The following SDCBP2 variants were observed in gnomAD, a reference collection of about 807,000 sequenced individuals.
SDCBP2 encodes the protein syndecan binding protein 2.
Under a neutral mutation model 30.7 loss-of-function variants are expected in SDCBP2, and 28 were observed. The observed-to-expected ratio is 0.91, with a 90% CI of 0.68 to 1.25. The LOEUF (loss-of-function observed/expected upper bound fraction) is 1.25. Ranked by LOEUF, SDCBP2 falls within the 50% of genes most tolerant of loss-of-function variation. SDCBP2 has a pLI of 0.00. For synonymous variants in SDCBP2, 166 were observed against 157.3 expected (o/e 1.06, Z -0.41); for missense variants, 399 against 379.0 (o/e 1.05, Z -0.44).
chr20:1,312,470 A>T lies in SDCBP2; in HGVS notation c.599T>A (p.Met200Lys). Residue 200 changes from methionine to lysine, a missense_variant, in exon 7 of 9, where the codon ATG becomes AAG. Transcript: ENST00000360779. ...QRTVTMHKDS[M>K]GHVGFVIKKG... is the part of the protein sequence containing the mutation. The stretch of plus-strand genomic sequence containing the variant: ...CTTGATCACGAAGCCGACGTGGCCC[A>T]TGCTGTCCTTGTGCATGGTGACAGT... The T allele has an allele frequency of 6.2e-7, 1 of 1,614,162 alleles. No homozygotes were observed. Among genetic ancestry groups the T allele is most frequent in the East Asian group, 2.2e-5 (1 of 44,874 alleles).
Position 1,313,480 on chromosome 20 carries a change from C to T in SDCBP2, c.244G>A (p.Gly82Arg). Residue 82 changes from glycine (G) to arginine (R), a missense_variant, in exon 5 of 9, where the codon GGG becomes AGG. Physicochemically the swap from Gly to Arg is moderately radical, Grantham distance 125. Coordinates refer to ENST00000360779, the MANE Select transcript of SDCBP2 (RefSeq NM_080489.5). The surrounding 1 kb of genome is among the most constrained non-coding windows in gnomAD (Gnocchi z 5.2). ...ACCGGTGCCACCATCTGGCCGGGCCCGGGGCCCGAGACCGCTGTCTGCAGA... is the reference window on the plus strand; with the variant it reads ...ACCGGTGCCACCATCTGGCCGGGCCTGGGGCCCGAGACCGCTGTCTGCAGA... ...EGDSTAVSGP[G>R]PGQMVAPVTG... is the part of the protein sequence containing the mutation. 1.3e-6 allele frequency: 2 copies of T among 1,593,070 alleles called. No individual in the cohort carries two copies. Among genetic ancestry groups the T allele is most frequent in the Non-Finnish European group, 1.7e-6 (2 of 1,173,314 alleles).
chr20:1,311,396 G>A (rs2088666798), intron 7 of SDCBP2, among the ~76,000 whole-genome samples: 1 of 152,078 alleles, frequency 6.6e-6, no homozygotes, highest in Non-Finnish European at 1.5e-5. Context: ...TTGCTTGTTT[G>A]ATAAAAAGAG....
chr20:1,323,827 T>C, intron 1 of SDCBP2: 1 of 145,610 alleles, frequency 6.9e-6, no homozygotes, highest in African/African-American at 2.8e-5. Context: ...TTTTTGTTGT[T>C]TTTTTTAATT....
rs79812877 is a variant in SDCBP2 at position 1,313,705 on chromosome 20, A to G, written c.226-207T>C. On this transcript the variant is annotated intron_variant, in intron 4 of 8. Coordinates refer to ENST00000360779, the MANE Select transcript of SDCBP2 (RefSeq NM_080489.5). This position sits in a 1 kb window ranked among gnomAD's most constrained non-coding sequence, Gnocchi z 5.2. ...GGGCGTCAAAGTCCATGCCCTTAAA[A>G]AGCCAGGAAAACGGGGAGGGAAGGG... The G allele has an allele frequency of 7.5e-4, 989 of 1,317,212 alleles. 7 individuals carry two copies. The African/African-American group carries it at 0.014, about 18-fold the overall frequency. 81.6% of individuals were successfully genotyped at this position (1,317,212 alleles called of 1,614,324 possible). A position where few individuals can be genotyped will look rare whatever the true frequency, so the allele number is the denominator to read the frequency against.
chr20:1,320,251 C>A lies in SDCBP2; in HGVS notation c.54+112G>T. On this transcript the variant is annotated intron_variant, in intron 2 of 8. Coordinates refer to ENST00000360779, the MANE Select transcript of SDCBP2 (RefSeq NM_080489.5). This position sits in a 1 kb window ranked among gnomAD's most constrained non-coding sequence, Gnocchi z 4.7. ...CAGCAGGCCCTGCAGTGGACACCTACATGCCCTGAGGCCTACGGGAATCTC... is the reference window on the plus strand; with the variant it reads ...CAGCAGGCCCTGCAGTGGACACCTAAATGCCCTGAGGCCTACGGGAATCTC... 1.2e-5 allele frequency: 11 copies of A among 923,598 alleles called. No homozygotes were observed. The highest frequency in any genetic ancestry group is 1.9e-5 in the Non-Finnish European group (11 of 592,072). The allele number at this position is 923,598 out of a possible 1,614,324, so 57.2% of individuals were successfully genotyped here.
Position 1,321,298 on chromosome 20 carries a change from G to A in SDCBP2, c.-19-863C>T, listed in dbSNP as rs1203049663. On this transcript the variant is annotated intron_variant, in intron 1 of 8. Coordinates refer to ENST00000360779, the MANE Select transcript of SDCBP2 (RefSeq NM_080489.5). This position sits in a 1 kb window ranked among gnomAD's most constrained non-coding sequence, Gnocchi z 5.2. ...AGGAAACTGAGGGTCCTGTGCCTGA[G>A]CGATGTGACTCCAGGCTTCCCAGGA... The A allele has an allele frequency of 2.6e-5, 4 of 152,218 alleles. No individual in the cohort carries two copies. Among genetic ancestry groups the A allele is most frequent in the African/African-American group, 7.2e-5 (3 of 41,396 alleles). The allele number at this position is 152,218 out of a possible 1,614,324, so 9.4% of individuals were successfully genotyped here. A position where few individuals can be genotyped will look rare whatever the true frequency, so the allele number is the denominator to read the frequency against.
At chr20:1,314,277 C>T (rs1366832774) in intron 4 of SDCBP2, among the ~76,000 whole-genome samples, 1 of 151,840 alleles carries the variant, frequency 6.6e-6, no homozygotes, top group Non-Finnish European at 1.5e-5. Flanking sequence ...TCACTTGAGC[C>T]CAGGAGTTCA....
At chr20:1,327,655 C>T (rs2088949387) in intron 1 of SDCBP2, among the ~76,000 whole-genome samples, 1 of 152,224 alleles carries the variant, frequency 6.6e-6, no homozygotes, top group African/African-American at 2.4e-5. Flanking sequence ...ACAGCATAGG[C>T]AAATCCCCTT....
Position 1,319,648 on chromosome 20 carries a change from T to C in SDCBP2, c.66A>G (p.Arg22=). 2 of 1,566,652 alleles carry C rather than the reference T, an allele frequency of 1.3e-6. No individual in the cohort carries two copies. The highest frequency in any genetic ancestry group is 1.2e-5 in the South Asian group (1 of 84,942). The change falls in exon 3 of 9, where the codon AGA becomes AGG. Residue 22 remains arginine, a synonymous_variant. Transcript: ENST00000360779. ...GCAGGGCTGGCATCTTGGGTGAGGC[T>C]CTGACCTGGGCCTGGGGAGGAGCAG... ...KVDQAIQAQV[R]ASPKMPALPV...
Position 1,324,677 on chromosome 20 carries a change from T to C in SDCBP2, c.-19-4242A>G, listed in dbSNP as rs1248287945. Reference sequence around the variant, plus strand: ...TTGGTTGTGGGGAGTTACACTTTGCTCACCATTCTGGAAAATCGCTGCCCA... The same window carrying C: ...TTGGTTGTGGGGAGTTACACTTTGCCCACCATTCTGGAAAATCGCTGCCCA... On this transcript the variant is annotated intron_variant, in intron 1 of 8. Coordinates refer to ENST00000360779, the MANE Select transcript of SDCBP2 (RefSeq NM_080489.5). The surrounding 1 kb of genome is among the most constrained non-coding windows in gnomAD (Gnocchi z 4.7). 6.6e-6 allele frequency among the ~76,000 whole-genome samples: 1 copy of C among 152,206 alleles called. No individual in the cohort carries two copies. Among genetic ancestry groups the C allele is most frequent in the Non-Finnish European group, 1.5e-5 (1 of 68,038 alleles).
Position 1,320,497 on chromosome 20 carries a change from A to AT in SDCBP2, c.-19-63_-19-62insA. 2 of 1,328,502 alleles carry AT rather than the reference A, an allele frequency of 1.5e-6. No individual in the cohort carries two copies. The highest frequency in any genetic ancestry group is 2.1e-6 in the Non-Finnish European group (2 of 942,538). The allele number at this position is 1,328,502 out of a possible 1,614,324, so 82.3% of individuals were successfully genotyped here. On this transcript the variant is annotated intron_variant, in intron 1 of 8. Coordinates refer to ENST00000360779, the MANE Select transcript of SDCBP2 (RefSeq NM_080489.5). The surrounding 1 kb of genome is among the most constrained non-coding windows in gnomAD (Gnocchi z 4.7). Reference sequence around the variant, plus strand: ...AGCTGATGCCCCCTTGAAAGGAGGCACAGACATCCGCAACAGCAAGCGGGT... The same window carrying AT: ...AGCTGATGCCCCCTTGAAAGGAGGCATCAGACATCCGCAACAGCAAGCGGGT...
chr20:1,312,209 G>T, intron 7 of SDCBP2, 128 bp downstream of exon 7: 1 of 935,062 alleles, frequency 1.1e-6, no homozygotes, highest in Non-Finnish European at 1.6e-6. Context: ...TACGAACACC[G>T]TCTTACTGAA....
intron 8 of SDCBP2, 122 bp from the exon 9 acceptor site, chr20:1,310,617 G>C (rs1011989532): frequency 5.6e-6 from 6 of 1,072,336 alleles, no homozygotes; most frequent in Non-Finnish European, 6.8e-6. Context: ...TAAGACTTTC[G>C]AATCACCAGA....
In SDCBP2 at chr20:1,313,301, A is replaced by T. The variant is rs2088711459; in HGVS notation, c.384+39T>A. 1 of 1,588,648 alleles carries T rather than the reference A, an allele frequency of 6.3e-7. No individual in the cohort carries two copies. Among genetic ancestry groups the T allele is most frequent in the Admixed American group, 1.7e-5 (1 of 59,460 alleles). On this transcript the variant is annotated intron_variant, in intron 5 of 8. Transcript: ENST00000360779. The surrounding 1 kb of genome is among the most constrained non-coding windows in gnomAD (Gnocchi z 5.2). ...TGAGGCCTGGCGGGAGAGCGCGTGC[A>T]GCTCGAGCTCCTCTTCCCACCCAGC...
intron 4 of SDCBP2, among the ~76,000 whole-genome samples, chr20:1,314,692 A>C (rs950732062): frequency 6.6e-6 from 1 of 151,994 alleles, no homozygotes; most frequent in Admixed American, 6.6e-5. Context: ...CAGGAGTTCA[A>C]GACCAGCCTG....
At chr20:1,318,002 C>A (rs758564443) in intron 4 of SDCBP2, 2 of 400,234 alleles carry the variant, frequency 5.0e-6, no homozygotes, top group Non-Finnish European at 4.8e-6. Flanking sequence ...ATGCAGGCAG[C>A]CCTGCTTTTG....
At position 1,312,765 on chromosome 20, in the gene SDCBP2, G is replaced by C. The variant is rs749661678; in HGVS notation, c.385-3C>G. On this transcript the variant is annotated splice_region_variant and splice_polypyrimidine_tract_variant and intron_variant, in intron 5 of 8. Transcript: ENST00000360779. ...TGGACCAACTGCACAAAGAGCCCCT[G>C]GGGGAGGCAGGGCCCCAGAGTCAGT... 6.2e-7 allele frequency: 1 copy of C among 1,606,452 alleles called. No individual in the cohort carries two copies. Among genetic ancestry groups the C allele is most frequent in the African/African-American group, 1.3e-5 (1 of 74,936 alleles).
intron 7 of SDCBP2, among the ~76,000 whole-genome samples, chr20:1,311,384 A>G (rs531719928): frequency 4.1e-4 from 61 of 148,278 alleles, no homozygotes; most frequent in Non-Finnish European, 7.9e-4. Context: ...ATCCTCTTAC[A>G]TTTGCTTGTT....
intron 7 of SDCBP2, among the ~76,000 whole-genome samples, chr20:1,312,045 GT>G (rs1320590452): frequency 2.0e-5 from 3 of 151,750 alleles, no homozygotes; most frequent in Admixed American, 6.6e-5. Context: ...GACTACAGGT[GT>G]GCACCACCAC....
Sources: gnomAD v4.1 joint callset for allele counts (sites outside exome capture counted in the v4.1 genomes callset) on GRCh38, gnomAD v4.1.1 for gene constraint, Gnocchi (gnomAD v3.1) non-coding constraint, MANE v1.5 for transcripts, NCBI Gene and HGNC (gene_info 2026-07-23, HGNC 2026-07-21) for gene names.